The following PIK3R3 variants were observed in gnomAD, a reference collection of about 807,000 sequenced individuals.
PIK3R3 encodes phosphatidylinositol 3-kinase regulatory subunit gamma.
Under a neutral mutation model 62.9 loss-of-function variants are expected in PIK3R3, and 64 were observed. The ratio of observed to expected loss-of-function variants is 1.02; its 90% CI spans 0.83 to 1.25. The LOEUF is 1.25. PIK3R3 is among the 50% of genes most tolerant of loss of function. The pLI is 0.00. For synonymous variants in PIK3R3, 165 were observed against 189.0 expected (o/e 0.87, Z 1.04); for missense variants, 614 against 561.6 (o/e 1.09, Z -0.94).
intron 7 of PIK3R3, chr1:46,048,394 T>G (rs542167128): frequency 6.6e-6 from 1 of 152,324 alleles, no homozygotes; most frequent in East Asian, 1.9e-4. Flanking sequence ...TCATTTTTTA[T>G]TCTTAGCAAA....
intron 1 of PIK3R3, among the ~76,000 whole-genome samples, chr1:46,130,909 T>C (rs1452919002): frequency 6.6e-6 from 1 of 152,186 alleles, no homozygotes; most frequent in African/African-American, 2.4e-5. Flanking sequence ...GGGTAGACTT[T>C]AAAGGAAAAA....
At chr1:46,119,042 G>GCCCT (rs1056159443) in intron 1 of PIK3R3, among the ~76,000 whole-genome samples, 7 of 151,982 alleles carry the variant, frequency 4.6e-5, no homozygotes, top group African/African-American at 1.7e-4. Context: ...TTTAGGTCAG[G>GCCCT]CCCTCCCTGG....
upstream of PIK3R3, among the ~76,000 whole-genome samples, chr1:46,135,086 G>A (rs868687088): frequency 1.3e-5 from 2 of 152,186 alleles, no homozygotes; most frequent in Non-Finnish European, 1.5e-5. Flanking sequence ...CCTGCCATGG[G>A]GGAAAGCACC....
chr1:46,087,183 T>A (rs1355860904), intron 1 of PIK3R3, among the ~76,000 whole-genome samples: 1 of 151,924 alleles, frequency 6.6e-6, no homozygotes. Context: ...AGTTGATGGG[T>A]GCAGCACACC....
chr1:46,054,336 G>A (rs758310295), intron 7 of PIK3R3, among the ~76,000 whole-genome samples: 29 of 149,446 alleles, frequency 1.9e-4, no homozygotes, highest in Non-Finnish European at 3.7e-4. Flanking sequence ...GGAGGTTGCA[G>A]TGGGAGCTGA....
the PIK3R3 span, among the ~76,000 whole-genome samples, chr1:46,148,981 A>G: frequency 3.3e-5 from 5 of 152,188 alleles, no homozygotes; most frequent in Non-Finnish European, 7.3e-5. Context: ...GGAGGGCAGC[A>G]CAAGACACAG....
chr1:46,077,425 T>G, intron 3 of PIK3R3, 90 bp downstream of exon 3: 1 of 555,898 alleles, frequency 1.8e-6, no homozygotes, highest in South Asian at 3.5e-5. Flanking sequence ...AAAAATTGTA[T>G]AGATAAAGAT....
chr1:46,130,755 C>T (rs773040843), intron 1 of PIK3R3, among the ~76,000 whole-genome samples: 4 of 152,154 alleles, frequency 2.6e-5, no homozygotes, highest in Admixed American at 6.5e-5. Context: ...AGCCATAACA[C>T]GTTTTAAAAT....
chr1:46,120,384 T>C (rs1654559523), intron 1 of PIK3R3, among the ~76,000 whole-genome samples: 1 of 152,162 alleles, frequency 6.6e-6, no homozygotes, highest in Non-Finnish European at 1.5e-5. Context: ...GAGACCATCC[T>C]GACCAACATG....
intron 1 of PIK3R3, among the ~76,000 whole-genome samples, chr1:46,128,790 A>G (rs1313688683): frequency 6.6e-6 from 1 of 152,198 alleles, no homozygotes; most frequent in Non-Finnish European, 1.5e-5. Context: ...GAGAAGTGCT[A>G]CAAGAGTAGG....
At chr1:46,166,807 G>A in the PIK3R3 span, among the ~76,000 whole-genome samples, 2 of 152,180 alleles carry the variant, frequency 1.3e-5, no homozygotes, top group African/African-American at 4.8e-5. Context: ...TTCCGGATAG[G>A]GGACGTGGAT....
At chr1:46,146,488 T>G in the PIK3R3 span, among the ~76,000 whole-genome samples, 1 of 152,174 alleles carries the variant, frequency 6.6e-6, no homozygotes, top group Non-Finnish European at 1.5e-5. Flanking sequence ...TATCAGAGTT[T>G]AAGGGCCCTG....
the PIK3R3 span, among the ~76,000 whole-genome samples, chr1:46,139,260 C>CTAAGGGAGACT: frequency 6.6e-6 from 1 of 151,936 alleles, no homozygotes; most frequent in Non-Finnish European, 1.5e-5. Flanking sequence ...CCACCACCTA[C>CTAAGGGAGACT]TAAGGGAGAC....
chr1:46,133,617 C>T (rs1450514457), upstream of PIK3R3, among the ~76,000 whole-genome samples: 1 of 152,186 alleles, frequency 6.6e-6, no homozygotes, highest in Non-Finnish European at 1.5e-5. Flanking sequence ...GCCCGTGGCC[C>T]CTGCAACCTT....
chr1:46,092,201 G>C (rs1402961428), intron 1 of PIK3R3, among the ~76,000 whole-genome samples: 3 of 152,142 alleles, frequency 2.0e-5, no homozygotes, highest in South Asian at 4.2e-4. Context: ...CTTAAATGAA[G>C]GCGCCTTAGC....
intron 1 of PIK3R3, among the ~76,000 whole-genome samples, chr1:46,094,344 T>G (rs546900881): frequency 6.6e-6 from 1 of 152,324 alleles, no homozygotes; most frequent in Non-Finnish European, 1.5e-5. Flanking sequence ...TCTTGGATGT[T>G]AGGATATAAT....
chr1:46,050,459 G>A (rs1647259807), intron 7 of PIK3R3, among the ~76,000 whole-genome samples: 1 of 151,934 alleles, frequency 6.6e-6, no homozygotes, highest in African/African-American at 2.4e-5. Flanking sequence ...CAGCTACTCA[G>A]GAGGCTGAGG....
intron 1 of PIK3R3, among the ~76,000 whole-genome samples, chr1:46,117,337 G>A (rs1401731223): frequency 1.3e-5 from 2 of 152,136 alleles, no homozygotes; most frequent in Non-Finnish European, 2.9e-5. Flanking sequence ...GGAGGCTGGG[G>A]CAGGAGGATC....
chr1:46,090,887 C>T (rs1651565893), intron 1 of PIK3R3, among the ~76,000 whole-genome samples: 1 of 152,170 alleles, frequency 6.6e-6, no homozygotes, highest in Admixed American at 6.5e-5. Flanking sequence ...CTTTGGAAAT[C>T]AGCAAATACT....
Sources: gnomAD v4.1 joint callset for allele counts (sites outside exome capture counted in the v4.1 genomes callset) on GRCh38, gnomAD v4.1.1 for gene constraint, MANE v1.5 for transcripts, NCBI Gene and HGNC (gene_info 2026-07-23, HGNC 2026-07-21) for gene names.